The following ASPH variants were observed in gnomAD, a reference collection of about 807,000 sequenced individuals.
ASPH encodes aspartate beta-hydroxylase, also known as aspartyl/asparaginyl beta-hydroxylase.
In ASPH, 100 loss-of-function variants were observed where a neutral mutation model predicts 118.4. The observed-to-expected ratio is 0.84, with a 90% confidence interval of 0.72 to 1.00. The LOEUF (loss-of-function observed/expected upper bound fraction) is 1.00, where lower values mean the gene tolerates loss of function less well. Ranked by LOEUF, ASPH falls within the 50% of genes least tolerant of loss-of-function variation. The pLI, the probability that ASPH is intolerant of heterozygous loss-of-function variation, is 0.00. For synonymous variants in ASPH, 315 were observed against 325.6 expected, an observed-to-expected ratio of 0.97 and a Z score of 0.35; for missense variants, 920 against 919.5, an observed-to-expected ratio of 1.00 and a Z score of -0.01.
chr8:61,559,289 G>A (rs921814199), intron 18 of ASPH, among the ~76,000 whole-genome samples: 4 of 152,188 alleles, frequency 2.6e-5, no homozygotes, highest in African/African-American at 9.7e-5. Context: ...TTAATCGACT[G>A]TTTATGCTAC....
intron 7 of ASPH, among the ~76,000 whole-genome samples, chr8:61,644,326 C>T (rs1329580487): frequency 6.6e-6 from 1 of 152,212 alleles, no homozygotes; most frequent in East Asian, 1.9e-4. Context: ...CTTTCGTTGA[C>T]TCTGTAATTG....
At chr8:61,570,427 T>C (rs758063504) in intron 16 of ASPH, among the ~76,000 whole-genome samples, 2 of 152,154 alleles carry the variant, frequency 1.3e-5, no homozygotes, top group Non-Finnish European at 2.9e-5. Flanking sequence ...TCTGTAGCAT[T>C]AGTGGGAGGA....
At chr8:61,701,472 A>AG (rs1835229314) in intron 1 of ASPH, among the ~76,000 whole-genome samples, 1 of 152,254 alleles carries the variant, frequency 6.6e-6, no homozygotes, top group Non-Finnish European at 1.5e-5. Context: ...CTAGAAAAAA[A>AG]CTATAAAATA....
At chr8:61,583,900 G>A in intron 15 of ASPH, 44 bp downstream of exon 15, 2 of 1,298,540 alleles carry the variant, frequency 1.5e-6, no homozygotes, top group African/African-American at 1.5e-5. Flanking sequence ...TAATGCCTGA[G>A]TTTATTTAAC....
intron 1 of ASPH, among the ~76,000 whole-genome samples, chr8:61,710,200 T>C (rs1837743911): frequency 6.6e-6 from 1 of 152,188 alleles, no homozygotes; most frequent in Admixed American, 6.5e-5. Context: ...TTAAGGAGGC[T>C]GGGAACAGAG....
intron 2 of ASPH, among the ~76,000 whole-genome samples, chr8:61,681,351 T>A (rs1026723950): frequency 3.3e-5 from 5 of 151,810 alleles, no homozygotes; most frequent in African/African-American, 1.2e-4. Flanking sequence ...CTAAAAATAT[T>A]CTTGGTAAAG....
chr8:61,565,801 G>A (rs1177404912), intron 17 of ASPH, among the ~76,000 whole-genome samples: 1 of 152,234 alleles, frequency 6.6e-6, no homozygotes, highest in Non-Finnish European at 1.5e-5. Flanking sequence ...TACACCTACT[G>A]TGTTGTTAGG....
chr8:61,635,079 T>C (rs1289549068), intron 12 of ASPH, among the ~76,000 whole-genome samples: 6 of 152,194 alleles, frequency 3.9e-5, no homozygotes, highest in Non-Finnish European at 8.8e-5. Context: ...TCATTCTGTA[T>C]GGCTTTCTCT....
At chr8:61,650,179 G>A (rs1224203835) in intron 5 of ASPH, among the ~76,000 whole-genome samples, 1 of 152,116 alleles carries the variant, frequency 6.6e-6, no homozygotes, top group Non-Finnish European at 1.5e-5. Flanking sequence ...GGGGAAGGAA[G>A]GCTTGAGGAA....
chr8:61,667,192 T>C (rs1344764586), intron 3 of ASPH, among the ~76,000 whole-genome samples: 2 of 151,940 alleles, frequency 1.3e-5, no homozygotes, highest in Non-Finnish European at 2.9e-5. Context: ...ACCACAAGAA[T>C]ATCACAGGCT....
At chr8:61,586,546 T>C (rs1337281042) in intron 14 of ASPH, among the ~76,000 whole-genome samples, 1 of 152,148 alleles carries the variant, frequency 6.6e-6, no homozygotes, top group Non-Finnish European at 1.5e-5. Context: ...ATCACTACTG[T>C]CTTTTTAGCA....
chr8:61,659,519 C>G (rs1024437868), intron 3 of ASPH: 74 of 152,240 alleles, frequency 4.9e-4, no homozygotes, highest in African/African-American at 1.7e-3. Flanking sequence ...AAATGAGGCA[C>G]TAAATGAGAA....
intron 1 of ASPH, among the ~76,000 whole-genome samples, chr8:61,699,002 T>C (rs966369018): frequency 1.3e-5 from 2 of 152,254 alleles, no homozygotes; most frequent in African/African-American, 4.8e-5. Flanking sequence ...ATGTTCTGCC[T>C]GATAACAGTG....
rs548556438 is a variant in ASPH, at chr8:61,561,535, AATAATAGCAAT to A, written c.1437+1198_1437+1208del. Reference sequence around the variant, plus strand: ...CACAATTCAATGATTTTCATTACACAATAATAGCAATACACAGAGGAAAGTACCGCTTTGAG... The same window carrying A: ...CACAATTCAATGATTTTCATTACACAACACAGAGGAAAGTACCGCTTTGAG... On this transcript the variant is annotated intron_variant, in intron 18 of 24. Coordinates refer to ENST00000379454, the MANE Select transcript of ASPH (RefSeq NM_004318.4). Among the ~76,000 whole-genome samples the A allele has an allele frequency of 2.0e-5, 3 of 152,356 alleles. No homozygotes were observed. In the South Asian group the frequency reaches 6.2e-4, roughly 32 times the overall value.
chr8:61,508,769 T>C lies in ASPH; in HGVS notation c.2127-5260A>G, dbSNP rs79768955. Among the ~76,000 whole-genome samples, 59 of 152,332 alleles carry C rather than the reference T, an allele frequency of 3.9e-4. 1 individual carries two copies. The East Asian group carries it at 0.011, about 28-fold the overall frequency. ...GACCATGGTCAAGAGACATTCTTAG[T>C]GTCTGTAGATGACATGCTGAGGTGG... is the stretch of plus-strand genomic sequence containing the variant. On this transcript the variant is annotated intron_variant, in intron 24 of 24. Transcript: ENST00000379454.
intron 18 of ASPH, among the ~76,000 whole-genome samples, chr8:61,556,230 C>T (rs775607744): frequency 1.3e-4 from 20 of 152,290 alleles, no homozygotes; most frequent in Non-Finnish European, 2.2e-4. Flanking sequence ...ACTCAATATG[C>T]TTTGCACATT....
At chr8:61,626,043 G>C (rs2150613677) in intron 13 of ASPH, 1 of 1,230,070 alleles carries the variant, frequency 8.1e-7, no homozygotes, top group African/African-American at 1.6e-5. Flanking sequence ...GCTATCAAAA[G>C]GGACATGCAG....
At chr8:61,643,304 G>C in intron 9 of ASPH, 82 bp downstream of exon 9, 1 of 1,399,062 alleles carries the variant, frequency 7.1e-7, no homozygotes, top group East Asian at 2.4e-5. Context: ...GCCTTTAAAA[G>C]AAAAATCACC....
intron 1 of ASPH, among the ~76,000 whole-genome samples, chr8:61,700,729 A>T (rs973533000): frequency 6.6e-6 from 1 of 152,220 alleles, no homozygotes; most frequent in African/African-American, 2.4e-5. Flanking sequence ...AGCTGAAAGG[A>T]TTCATAACAC....
Sources: gnomAD v4.1 joint callset for allele counts (sites outside exome capture counted in the v4.1 genomes callset) on GRCh38, gnomAD v4.1.1 for gene constraint, MANE v1.5 for transcripts, NCBI Gene and HGNC (gene_info 2026-07-23, HGNC 2026-07-21) for gene names.